DCAF6: variants seen among roughly 807,000 people sequenced by gnomAD.
DCAF6 encodes the protein DDB1- and CUL4-associated factor 6.
A neutral mutation model predicts 125.1 loss-of-function variants in DCAF6; 54 were observed. That is an observed-to-expected ratio of 0.43 (90% confidence interval 0.35 to 0.54). DCAF6 has a LOEUF of 0.54. DCAF6 is among the 20% of genes least tolerant of loss of function. DCAF6 has a pLI of 0.01. For synonymous variants in DCAF6, 371 were observed against 390.4 expected, an observed-to-expected ratio of 0.95 and a Z score of 0.58; for missense variants, 934 against 1,161.7, an observed-to-expected ratio of 0.80 and a Z score of 2.85.
chr1:168,072,134 G>A (rs112481640), intron 21 of DCAF6, among the ~76,000 whole-genome samples: 4,558 of 151,134 alleles, frequency 0.03, 200 homozygotes, highest in African/African-American at 0.1. Flanking sequence ...CATCTGTACT[G>A]AAAAATACAA....
intron 19 of DCAF6, among the ~76,000 whole-genome samples, 199 bp downstream of exon 19, chr1:168,065,945 G>T (rs1692272668): frequency 6.6e-6 from 1 of 152,132 alleles, no homozygotes; most frequent in Admixed American, 6.5e-5. Context: ...AAGAAAATAG[G>T]TTAAAAAGTT....
chr1:167,895,637 T>C, the DCAF6 span, among the ~76,000 whole-genome samples: 1 of 152,164 alleles, frequency 6.6e-6, no homozygotes, highest in Non-Finnish European at 1.5e-5. Flanking sequence ...TTTTTATGAA[T>C]TCAGGACAAA....
the DCAF6 span, among the ~76,000 whole-genome samples, chr1:167,911,477 T>C: frequency 6.6e-6 from 1 of 152,260 alleles, no homozygotes; most frequent in Non-Finnish European, 1.5e-5. Flanking sequence ...TATTTTTACT[T>C]TTCTCAGCAT....
chr1:167,966,445 G>A (rs12095271), intron 2 of DCAF6, among the ~76,000 whole-genome samples, 184 bp from the exon 3 acceptor site: 9 of 151,966 alleles, frequency 5.9e-5, no homozygotes, highest in Non-Finnish European at 1.0e-4. Context: ...ATGTGTGGCC[G>A]GAGACAATTC....
At chr1:167,916,034 A>C in the DCAF6 span, among the ~76,000 whole-genome samples, 35 of 151,610 alleles carry the variant, frequency 2.3e-4, no homozygotes, top group Non-Finnish European at 4.4e-4. Context: ...TAAAGAATTC[A>C]ACTCAACTAT....
At chr1:168,022,560 C>T (rs1057183537) in intron 11 of DCAF6, among the ~76,000 whole-genome samples, 2 of 152,190 alleles carry the variant, frequency 1.3e-5, no homozygotes, top group African/African-American at 4.8e-5. Context: ...CAGCAAACAA[C>T]ATCTCTCAAA....
chr1:167,909,994 A>G, the DCAF6 span, among the ~76,000 whole-genome samples: 4 of 152,192 alleles, frequency 2.6e-5, no homozygotes, highest in African/African-American at 7.2e-5. Flanking sequence ...TGCTATCTAC[A>G]GATCTCAATC....
At chr1:168,010,347 A>G (rs1684118173) in intron 10 of DCAF6, among the ~76,000 whole-genome samples, 1 of 152,134 alleles carries the variant, frequency 6.6e-6, no homozygotes, top group Non-Finnish European at 1.5e-5. Flanking sequence ...TGAAGCAGTG[A>G]GTGAGTTGAA....
chr1:167,993,445 GTT>G lies in DCAF6; in HGVS notation c.903+7_903+8del. On this transcript the variant is annotated splice_donor_region_variant and intron_variant, in intron 7 of 21. Transcript: ENST00000367840. Reference sequence around the variant, plus strand: ...GCGGAAGAGAGAAGAGAAGAGGTAGGTTTACTCAAAACCATGTCCTTTGGCCG... The same window carrying G: ...GCGGAAGAGAGAAGAGAAGAGGTAGGTACTCAAAACCATGTCCTTTGGCCG... 1 of 1,613,138 alleles carries G rather than the reference GTT, an allele frequency of 6.2e-7. No individual in the cohort carries two copies. Among genetic ancestry groups the G allele is most frequent in the Non-Finnish European group, 8.5e-7 (1 of 1,179,258 alleles).
intron 12 of DCAF6, among the ~76,000 whole-genome samples, chr1:168,034,085 ATTAT>A (rs1468840279): frequency 6.6e-6 from 1 of 152,252 alleles, no homozygotes; most frequent in Non-Finnish European, 1.5e-5. Flanking sequence ...GTTGATATGA[ATTAT>A]TTATTTCTGA....
Position 168,019,313 on chromosome 1 carries a change from T to G in DCAF6, c.1549+3362T>G, listed in dbSNP as rs112979588. ...TCCACCCACTGCAGCCACCCAAAGT[T>G]CTGGGATTACAGGTGTGAACCACCA... On this transcript the variant is annotated intron_variant, in intron 11 of 21. Transcript: ENST00000367840. 8.0e-3 allele frequency among the ~76,000 whole-genome samples: 1,224 copies of G among 152,248 alleles called. 10 individuals carry two copies. The highest frequency in any genetic ancestry group is 0.012 in the Non-Finnish European group (791 of 67,998).
chr1:167,911,545 T>C, the DCAF6 span, among the ~76,000 whole-genome samples: 1 of 152,220 alleles, frequency 6.6e-6, no homozygotes, highest in African/African-American at 2.4e-5. Context: ...TTTTAAAAGT[T>C]CTAAGTTGCT....
the DCAF6 span, among the ~76,000 whole-genome samples, chr1:167,923,552 T>C: frequency 5.3e-5 from 8 of 151,848 alleles, no homozygotes; most frequent in African/African-American, 1.5e-4. Context: ...AGAAGGAGAA[T>C]GGGGAATTAT....
At chr1:167,864,830 T>C in the DCAF6 span, among the ~76,000 whole-genome samples, 1 of 150,642 alleles carries the variant, frequency 6.6e-6, no homozygotes, top group South Asian at 2.1e-4. Flanking sequence ...CAAAAATCCT[T>C]AACCCAGTAA....
intron 2 of DCAF6, among the ~76,000 whole-genome samples, chr1:167,952,145 G>A (rs987809578): frequency 1.3e-5 from 2 of 152,090 alleles, no homozygotes; most frequent in Non-Finnish European, 2.9e-5. Context: ...TCACTTCTTA[G>A]AAACTAGACA....
chr1:167,960,612 G>A (rs1019950477), intron 2 of DCAF6, among the ~76,000 whole-genome samples: 15 of 152,094 alleles, frequency 9.9e-5, no homozygotes, highest in Non-Finnish European at 8.8e-5. Flanking sequence ...GTTGGGTAGT[G>A]TCAGCTGTCT....
At chr1:167,910,925 A>C in the DCAF6 span, among the ~76,000 whole-genome samples, 1 of 152,248 alleles carries the variant, frequency 6.6e-6, no homozygotes, top group African/African-American at 2.4e-5. Flanking sequence ...ACAATTTTTT[A>C]GTATAAATAT....
chr1:168,042,042 T>C (rs535114245), intron 13 of DCAF6, among the ~76,000 whole-genome samples: 7 of 152,044 alleles, frequency 4.6e-5, no homozygotes, highest in African/African-American at 1.7e-4. Context: ...CATATGAATA[T>C]ACAGTTTTAG....
upstream of DCAF6, chr1:167,936,154 C>T (rs1215919643): frequency 9.1e-6 from 3 of 330,688 alleles, no homozygotes; most frequent in Admixed American, 4.6e-5. Context: ...CTGCGCCCTG[C>T]TGGCAGCGCG....
Sources: gnomAD v4.1 joint callset for allele counts (sites outside exome capture counted in the v4.1 genomes callset) on GRCh38, gnomAD v4.1.1 for gene constraint, MANE v1.5 for transcripts, NCBI Gene and HGNC (gene_info 2026-07-23, HGNC 2026-07-21) for gene names.